ADAMTS3: variants seen among roughly 807,000 people sequenced by gnomAD.
ADAMTS3 encodes A disintegrin and metalloproteinase with thrombospondin motifs 3.
Under a neutral mutation model 129.0 loss-of-function variants are expected in ADAMTS3, and 73 were observed. The observed-to-expected ratio is 0.57, with a 90% CI of 0.47 to 0.69. The LOEUF (loss-of-function observed/expected upper bound fraction) is 0.69, where lower values mean the gene tolerates loss of function less well. ADAMTS3 is among the 30% of genes least tolerant of loss of function. The pLI is 0.00. For synonymous variants in ADAMTS3, 477 were observed against 510.8 expected, an observed-to-expected ratio of 0.93 and a Z score of 0.89; for missense variants, 1,457 against 1,514.5, an observed-to-expected ratio of 0.96 and a Z score of 0.63.
intron 4 of ADAMTS3, among the ~76,000 whole-genome samples, chr4:72,398,797 C>T (rs1055018967): frequency 6.6e-6 from 1 of 152,146 alleles, no homozygotes; most frequent in Admixed American, 6.5e-5. Context: ...GAGGACCCCA[C>T]AAACTACCTC....
At chr4:72,458,010 C>T (rs1041141870) in intron 3 of ADAMTS3, among the ~76,000 whole-genome samples, 8 of 151,430 alleles carry the variant, frequency 5.3e-5, no homozygotes, top group Admixed American at 2.0e-4. Flanking sequence ...TTTCTGCTTC[C>T]GTTTCTTCAG....
At chr4:72,522,144 A>G (rs1720691214) in intron 3 of ADAMTS3, among the ~76,000 whole-genome samples, 3 of 152,154 alleles carry the variant, frequency 2.0e-5, no homozygotes, top group Admixed American at 2.0e-4. Context: ...ACATTTCACA[A>G]TCAAATCGGA....
chr4:72,446,486 G>A (rs1375096685), intron 3 of ADAMTS3, among the ~76,000 whole-genome samples: 1 of 151,340 alleles, frequency 6.6e-6, no homozygotes, highest in African/African-American at 2.4e-5. Flanking sequence ...CTTCCAGGAA[G>A]GAAGGTGAGC....
chr4:72,530,576 T>C (rs1437148825), intron 3 of ADAMTS3, among the ~76,000 whole-genome samples: 1 of 43,906 alleles, frequency 2.3e-5, no homozygotes, highest in Non-Finnish European at 3.6e-5. Context: ...ATTAATTTAA[T>C]ATATATTAAA....
In ADAMTS3 at chr4:72,423,123, G is replaced by A. The variant is rs538310133; in HGVS notation, c.505-8152C>T. Among the ~76,000 whole-genome samples the A allele has an allele frequency of 3.9e-5, 6 of 152,068 alleles. No individual in the cohort carries two copies. The East Asian group carries it at 7.7e-4, about 20-fold the overall frequency. On this transcript the variant is annotated intron_variant, in intron 3 of 21. Coordinates refer to ENST00000286657, the MANE Select transcript of ADAMTS3 (RefSeq NM_014243.3). ...TTTTATTGCAGTTCTTCTCAGATCC[G>A]CTAAGGAAAGAGAATAGAGATGGGT...
intron 11 of ADAMTS3, 151 bp from the exon 12 acceptor site, chr4:72,313,973 C>A: frequency 1.3e-6 from 1 of 788,510 alleles, no homozygotes. Context: ...GCAATTATGT[C>A]ATTAATATAC....
chr4:72,506,285 A>T (rs1295242301), intron 3 of ADAMTS3, among the ~76,000 whole-genome samples: 2 of 152,124 alleles, frequency 1.3e-5, no homozygotes, highest in Non-Finnish European at 2.9e-5. Context: ...CTGCACAAAA[A>T]TCTCAGGGGA....
At chr4:72,376,298 A>T (rs1468677499) in intron 4 of ADAMTS3, among the ~76,000 whole-genome samples, 1 of 152,068 alleles carries the variant, frequency 6.6e-6, no homozygotes, top group Non-Finnish European at 1.5e-5. Flanking sequence ...CCTCATAGAC[A>T]CCTTCTATGT....
Position 72,419,413 on chromosome 4 carries a change from T to C in ADAMTS3, c.505-4442A>G, listed in dbSNP as rs571370900. 7.2e-5 allele frequency among the ~76,000 whole-genome samples: 11 copies of C among 152,230 alleles called. No individual in the cohort carries two copies. The South Asian group carries it at 1.7e-3, about 23-fold the overall frequency. On this transcript the variant is annotated intron_variant, in intron 3 of 21. Transcript: ENST00000286657. Reference sequence around the variant, plus strand: ...TGAGGGAATGAAGAGCTTTTAGACTTTTGGTGATTTTCCAAATATGGGAGT... The same window carrying C: ...TGAGGGAATGAAGAGCTTTTAGACTCTTGGTGATTTTCCAAATATGGGAGT...
At chr4:72,393,840 A>G (rs964304721) in intron 4 of ADAMTS3, among the ~76,000 whole-genome samples, 1 of 152,210 alleles carries the variant, frequency 6.6e-6, no homozygotes, top group Non-Finnish European at 1.5e-5. Context: ...AGCATCTATA[A>G]CTAGATTAAA....
In ADAMTS3 at chr4:72,479,249, C is replaced by A. The variant is rs550128275; in HGVS notation, c.505-64278G>T. ...CCGCATTGCCAAGTCAATCCTAAGCCAAAAGAACAAAGCTGGAGGCATCAC... is the reference window on the plus strand; with the variant it reads ...CCGCATTGCCAAGTCAATCCTAAGCAAAAAGAACAAAGCTGGAGGCATCAC... On this transcript the variant is annotated intron_variant, in intron 3 of 21. Coordinates refer to ENST00000286657, the MANE Select transcript of ADAMTS3 (RefSeq NM_014243.3). 2.0e-5 allele frequency among the ~76,000 whole-genome samples: 3 copies of A among 152,170 alleles called. No homozygotes were observed. The East Asian group carries it at 5.8e-4, about 29-fold the overall frequency.
At chr4:72,461,545 T>C (rs1453994792) in intron 3 of ADAMTS3, among the ~76,000 whole-genome samples, 5 of 151,826 alleles carry the variant, frequency 3.3e-5, no homozygotes, top group African/African-American at 1.2e-4. Flanking sequence ...CTAATAGAGA[T>C]TTTGAAATTG....
chr4:72,344,924 C>T (rs889607584), intron 4 of ADAMTS3, among the ~76,000 whole-genome samples: 1 of 152,020 alleles, frequency 6.6e-6, no homozygotes, highest in Non-Finnish European at 1.5e-5. Flanking sequence ...TTTAGGTCAC[C>T]CATCTAATGA....
At chr4:72,378,264 C>G (rs1251154360) in intron 4 of ADAMTS3, among the ~76,000 whole-genome samples, 1 of 152,150 alleles carries the variant, frequency 6.6e-6, no homozygotes, top group Non-Finnish European at 1.5e-5. Flanking sequence ...CCATAATCCA[C>G]TTTAAATTGG....
In ADAMTS3 at chr4:72,568,812, CA is replaced by C. The variant is rs1236454683; in HGVS notation, c.-51del. ...TACTGGGCAAAGCAAATGCCCAGAG[CA>C]AACCCACCCCCCCCGCCCAAAATAA... On this transcript the variant is annotated 5_prime_UTR_variant, in exon 1 of 22. Transcript: ENST00000286657. 126 of 1,311,332 alleles carry C rather than the reference CA, an allele frequency of 9.6e-5. 1 individual carries two copies. Among genetic ancestry groups the C allele is most frequent in the South Asian group, 6.3e-4 (50 of 79,130 alleles). The allele number at this position is 1,311,332 out of a possible 1,614,324, so 81.2% of individuals were successfully genotyped here.
intron 5 of ADAMTS3, among the ~76,000 whole-genome samples, chr4:72,332,863 AC>A (rs2109824046): frequency 6.6e-6 from 1 of 152,294 alleles, no homozygotes; most frequent in South Asian, 2.1e-4. Context: ...AATCGTACAA[AC>A]AAGACACAGA....
At position 72,494,457 on chromosome 4, in the gene ADAMTS3, T is replaced by C. The variant is rs148675032; in HGVS notation, c.504+54021A>G. The stretch of plus-strand genomic sequence containing the variant: ...ATTTCTATGTCTTTGTTGAACTTCT[T>C]GTTTTGTTCTTGTATTGTTTTCTGA... On this transcript the variant is annotated intron_variant, in intron 3 of 21. Coordinates refer to ENST00000286657, the MANE Select transcript of ADAMTS3 (RefSeq NM_014243.3). 3.0e-3 allele frequency among the ~76,000 whole-genome samples: 461 copies of C among 152,318 alleles called. 5 individuals are homozygous for C. Among genetic ancestry groups the C allele is most frequent in the African/African-American group, 0.011 (446 of 41,574 alleles).
intron 3 of ADAMTS3, chr4:72,441,879 T>C (rs1360073709): frequency 2.0e-5 from 3 of 149,754 alleles, no homozygotes; most frequent in Non-Finnish European, 2.9e-5. Flanking sequence ...GCTACTGATA[T>C]CGGTTCCACA....
Position 72,290,991 on chromosome 4 carries a change from C to G in ADAMTS3, c.2795G>C (p.Arg932Pro), listed in dbSNP as rs557435473. The G allele has an allele frequency of 2.5e-6, 4 of 1,613,990 alleles. No homozygotes were observed. Among genetic ancestry groups the G allele is most frequent in the Non-Finnish European group, 3.4e-6 (4 of 1,179,954 alleles). ...GCCATCAAGGAGTGGCTGAAGGCAG[C>G]GTACAGTGCGAAGCTGATAGCCAGA... is the stretch of plus-strand genomic sequence containing the variant. The part of the protein sequence containing the change: ...GSSGYQLRTV[R>P]CLQPLLDGTN... Residue 932 changes from arginine (R) to proline (P), a missense_variant, in exon 20 of 22, where the codon CGC becomes CCC. Physicochemically the swap from Arg to Pro is moderately radical, Grantham distance 103. Transcript: ENST00000286657.
Sources: gnomAD v4.1 joint callset for allele counts (sites outside exome capture counted in the v4.1 genomes callset) on GRCh38, gnomAD v4.1.1 for gene constraint, MANE v1.5 for transcripts, NCBI Gene and HGNC (gene_info 2026-07-23, HGNC 2026-07-21) for gene names.